Variants in PTN observed in about 807,000 individuals in gnomAD.
The protein encoded by PTN is heparin affin regulatory protein.
Under a neutral mutation model 24.1 loss-of-function variants are expected in PTN, and 18 were observed. The observed-to-expected ratio is 0.75, with a 90% CI of 0.52 to 1.11. The LOEUF is 1.11. PTN is among the 50% of genes least tolerant of loss of function. PTN has a pLI of 0.00. For missense variants in PTN, 163 were observed against 198.8 expected, an observed-to-expected ratio of 0.82 and a Z score of 1.08; for synonymous variants, 78 against 68.6, an observed-to-expected ratio of 1.14 and a Z score of -0.67.
At chr7:137,303,625 C>A (rs1348783254) in intron 1 of PTN, among the ~76,000 whole-genome samples, 1 of 151,882 alleles carries the variant, frequency 6.6e-6, no homozygotes, top group East Asian at 1.9e-4. Context: ...GGAAAAGTAA[C>A]CCCTTATAAA....
intron 4 of PTN, among the ~76,000 whole-genome samples, chr7:137,236,540 T>C (rs1808524671): frequency 6.6e-6 from 1 of 152,148 alleles, no homozygotes; most frequent in Admixed American, 6.6e-5. Context: ...CCGAGTTTCT[T>C]TTGTTTAGCA....
At chr7:137,261,008 T>C (rs549021930) in intron 1 of PTN, among the ~76,000 whole-genome samples, 44 of 152,226 alleles carry the variant, frequency 2.9e-4, no homozygotes, top group African/African-American at 1.0e-3. Flanking sequence ...GCTTGATTCT[T>C]TCCTTTTATT....
intron 1 of PTN, among the ~76,000 whole-genome samples, chr7:137,269,839 G>C (rs2128874226): frequency 6.6e-6 from 1 of 151,880 alleles, no homozygotes; most frequent in African/African-American, 2.4e-5. Context: ...CACCATGTTG[G>C]CCAGGGTGGT....
intron 4 of PTN, among the ~76,000 whole-genome samples, chr7:137,238,969 C>T (rs1362408903): frequency 6.6e-6 from 1 of 152,168 alleles, no homozygotes; most frequent in East Asian, 1.9e-4. Context: ...AACCCAATAA[C>T]TAATATGCAG....
intron 1 of PTN, among the ~76,000 whole-genome samples, chr7:137,338,728 C>T (rs74722347): frequency 0.016 from 2,414 of 152,222 alleles, 58 homozygotes; most frequent in African/African-American, 0.051. Context: ...AGTCACTATG[C>T]GTAAAAGTCT....
chr7:137,248,550 C>T (rs917001733), intron 4 of PTN, among the ~76,000 whole-genome samples: 19 of 152,256 alleles, frequency 1.2e-4, no homozygotes, highest in Admixed American at 1.3e-4. Context: ...TAGCTGGGCG[C>T]ATGCCCATAA....
intron 4 of PTN, among the ~76,000 whole-genome samples, chr7:137,251,013 A>C (rs1045388616): frequency 3.9e-5 from 6 of 152,200 alleles, no homozygotes; most frequent in Non-Finnish European, 8.8e-5. Flanking sequence ...AGACTGTACC[A>C]ATCCCCTCAT....
chr7:137,339,438 C>A (rs966808044), intron 1 of PTN, among the ~76,000 whole-genome samples: 3 of 151,522 alleles, frequency 2.0e-5, no homozygotes, highest in Admixed American at 2.0e-4. Flanking sequence ...GGAGTAGGAC[C>A]CCGAGACGAT....
intron 1 of PTN, among the ~76,000 whole-genome samples, chr7:137,331,564 A>G (rs1810360276): frequency 6.6e-6 from 1 of 152,172 alleles, no homozygotes; most frequent in Non-Finnish European, 1.5e-5. Context: ...CATTCCAAAT[A>G]ATAACAGAGC....
chr7:137,274,035 A>G (rs201922929), intron 1 of PTN, among the ~76,000 whole-genome samples: 4 of 10,710 alleles, frequency 3.7e-4, no homozygotes, highest in Non-Finnish European at 9.6e-4. Context: ...TCAGAAGCGC[A>G]CACACACACA....
intron 4 of PTN, among the ~76,000 whole-genome samples, chr7:137,246,027 T>C (rs1808717281): frequency 6.6e-6 from 1 of 152,212 alleles, no homozygotes; most frequent in African/African-American, 2.4e-5. Context: ...AAATTTAGTG[T>C]AGCTTAAGTG....
intron 4 of PTN, among the ~76,000 whole-genome samples, chr7:137,250,736 C>A (rs1002873291): frequency 2.6e-5 from 4 of 151,974 alleles, no homozygotes; most frequent in Non-Finnish European, 4.4e-5. Flanking sequence ...AAATTGAACT[C>A]AAAAAATATA....
intron 1 of PTN, among the ~76,000 whole-genome samples, chr7:137,318,142 C>T (rs763424165): frequency 6.6e-6 from 1 of 152,172 alleles, no homozygotes; most frequent in Non-Finnish European, 1.5e-5. Context: ...GCGGCACATG[C>T]CTGTAATCCC....
At chr7:137,287,292 CAAATA>C (rs1809571902) in intron 1 of PTN, among the ~76,000 whole-genome samples, 1 of 152,138 alleles carries the variant, frequency 6.6e-6, no homozygotes, top group Non-Finnish European at 1.5e-5. Flanking sequence ...GTGCTTCTTT[CAAATA>C]ACTTCTATTT....
At position 137,261,583 on chromosome 7, in the gene PTN, A is replaced by C. The variant is rs190933224; in HGVS notation, c.-1-6609T>G. Among the ~76,000 whole-genome samples the C allele has an allele frequency of 1.6e-3, 247 of 152,322 alleles. 1 individual carries two copies. Among genetic ancestry groups the C allele is most frequent in the Non-Finnish European group, 3.1e-3 (208 of 68,022 alleles). Reference sequence around the variant, plus strand: ...CCCTTTGCCCTGTGAAGGTTACCTAAAAATCGCTGAGAAAAGGTAAATAAA... The same window carrying C: ...CCCTTTGCCCTGTGAAGGTTACCTACAAATCGCTGAGAAAAGGTAAATAAA... On this transcript the variant is annotated intron_variant, in intron 1 of 4. Transcript: ENST00000348225.
rs564080554 is a variant in PTN at position 137,278,945 on chromosome 7, C to CAACAATAAT, written c.-1-23972_-1-23971insATTATTGTT. ...GACAAAGTGAGACTCCATCTCAGAACAATAATAATAATAATAATAATAATA... is the reference window on the plus strand; with the variant it reads ...GACAAAGTGAGACTCCATCTCAGAACAACAATAATAATAATAATAATAATAATAATAATA... On this transcript the variant is annotated intron_variant, in intron 1 of 4. Transcript: ENST00000348225. 1.9e-4 allele frequency among the ~76,000 whole-genome samples: 25 copies of CAACAATAAT among 134,284 alleles called. No individual in the cohort carries two copies. The East Asian group carries it at 4.8e-3, about 26-fold the overall frequency. 88.1% of individuals were successfully genotyped at this position (134,284 alleles called of 152,430 possible).
chr7:137,333,773 G>C (rs374820442), intron 1 of PTN, among the ~76,000 whole-genome samples: 3 of 152,042 alleles, frequency 2.0e-5, no homozygotes, highest in Non-Finnish European at 4.4e-5. Flanking sequence ...GAGGCATCAC[G>C]CTACCTGACT....
chr7:137,337,835 G>A (rs138320013), intron 1 of PTN, among the ~76,000 whole-genome samples: 2 of 152,288 alleles, frequency 1.3e-5, no homozygotes, highest in Non-Finnish European at 2.9e-5. Context: ...AGGGGATTAG[G>A]CATAGAACAC....
chr7:137,332,272 T>G (rs1345923375), intron 1 of PTN, among the ~76,000 whole-genome samples: 1 of 152,218 alleles, frequency 6.6e-6, no homozygotes, highest in African/African-American at 2.4e-5. Context: ...TAAGTAAGTT[T>G]TCTTTTCTAT....
Sources: gnomAD v4.1 joint callset for allele counts (sites outside exome capture counted in the v4.1 genomes callset) on GRCh38, gnomAD v4.1.1 for gene constraint, MANE v1.5 for transcripts, NCBI Gene and HGNC (gene_info 2026-07-23, HGNC 2026-07-21) for gene names.